The following GSR variants were observed in gnomAD, a reference collection of about 807,000 sequenced individuals.
GSR encodes the protein glutathione-disulfide reductase, also known as glutathione reductase, mitochondrial.
GSR carries 48 observed loss-of-function variants against 56.5 expected under a neutral mutation model. The ratio of observed to expected loss-of-function variants is 0.85; its 90% CI spans 0.67 to 1.08. GSR has a LOEUF of 1.08. GSR is among the 50% of genes least tolerant of loss of function. The pLI, the probability that GSR is intolerant of heterozygous loss-of-function variation, is 0.00. For missense variants in GSR, 694 were observed against 703.3 expected (o/e 0.99, Z 0.15); for synonymous variants, 264 against 270.8 (o/e 0.97, Z 0.25).
intron 3 of GSR, 121 bp from the exon 4 acceptor site, chr8:30,708,262 G>A (rs1803983393): frequency 2.2e-5 from 17 of 773,954 alleles, no homozygotes; most frequent in Non-Finnish European, 3.8e-5. Flanking sequence ...CAACCGCAGT[G>A]AGTGAATGTC....
rs570116243 is a variant in GSR at position 30,684,124 on chromosome 8, C to G, written c.1117G>C (p.Val373Leu). Residue 373 changes from valine to leucine, a missense_variant, in exon 10 of 13, where the codon GTT becomes CTT. By Grantham distance (32) the Val-to-Leu change is conservative (BLOSUM62 1). Coordinates refer to ENST00000221130, the MANE Select transcript of GSR (RefSeq NM_000637.5). ...QNTNVKGIYA[V>L]GDVCGKALLT... ...AGAGCTTTTCCACATACATCCCCAA[C>G]TGCATAGATGCCTTTGACGTTGGTA... 7 of 1,605,982 alleles carry G rather than the reference C, an allele frequency of 4.4e-6. No individual in the cohort carries two copies. The highest frequency in any genetic ancestry group is 2.2e-5 in the East Asian group (1 of 44,862).
chr8:30,680,443 G>T (rs952124333), intron 12 of GSR, among the ~76,000 whole-genome samples: 2 of 128,056 alleles, frequency 1.6e-5, no homozygotes, highest in African/African-American at 6.0e-5. Context: ...CTCCCAGGCT[G>T]GAGGGCAGTA....
chr8:30,726,577 A>G (rs1445619890), intron 1 of GSR, among the ~76,000 whole-genome samples: 1 of 152,110 alleles, frequency 6.6e-6, no homozygotes, highest in Non-Finnish European at 1.5e-5. Context: ...AGGGCAACAT[A>G]GCGAGACCCC....
intron 5 of GSR, among the ~76,000 whole-genome samples, chr8:30,701,894 C>T (rs1203222647): frequency 6.6e-6 from 1 of 151,074 alleles, no homozygotes; most frequent in East Asian, 1.9e-4. Flanking sequence ...GTTCACCATC[C>T]ACAAAGTCCT....
At chr8:30,710,684 T>C (rs1191542767) in intron 2 of GSR, among the ~76,000 whole-genome samples, 2 of 115,438 alleles carry the variant, frequency 1.7e-5, no homozygotes, top group Non-Finnish European at 3.3e-5. Flanking sequence ...ACCACTGCAT[T>C]CCGGCCTGGG....
chr8:30,713,795 C>T (rs1228138213), intron 1 of GSR, among the ~76,000 whole-genome samples: 1 of 152,244 alleles, frequency 6.6e-6, no homozygotes, highest in Non-Finnish European at 1.5e-5. Flanking sequence ...CCCAGCAATT[C>T]TACTTTTACA....
intron 1 of GSR, among the ~76,000 whole-genome samples, chr8:30,724,535 AC>A (rs1396693702): frequency 3.0e-5 from 3 of 99,728 alleles, no homozygotes; most frequent in African/African-American, 1.1e-4. Flanking sequence ...ATACTACCCA[AC>A]CCCCCACCTT....
rs550057987 is a variant in GSR at position 30,721,800 on chromosome 8, C to T, written c.306+5730G>A. 9.9e-5 allele frequency among the ~76,000 whole-genome samples: 15 copies of T among 151,834 alleles called. No individual in the cohort carries two copies. The South Asian group carries it at 2.9e-3, about 30-fold the overall frequency. ...CTTTGGAAGGCCGAGGTGGGTGGAT[C>T]GGTTGAGGTCAGGAGTTCGAGACCA... On this transcript the variant is annotated intron_variant, in intron 1 of 12. Coordinates refer to ENST00000221130, the MANE Select transcript of GSR (RefSeq NM_000637.5).
At chr8:30,725,769 C>T (rs1450632388) in intron 1 of GSR, among the ~76,000 whole-genome samples, 1 of 150,040 alleles carries the variant, frequency 6.7e-6, no homozygotes, top group East Asian at 2.0e-4. Flanking sequence ...GCATTCCCAG[C>T]TACTCGAGAG....
At chr8:30,681,835 A>C in intron 11 of GSR, 95 bp downstream of exon 11, 1 of 1,160,090 alleles carries the variant, frequency 8.6e-7, no homozygotes, top group Non-Finnish European at 1.3e-6. Context: ...TGGGGCTGAG[A>C]TAGGTTTCAT....
At chr8:30,701,052 T>A (rs1436215773) in intron 5 of GSR, among the ~76,000 whole-genome samples, 1 of 152,094 alleles carries the variant, frequency 6.6e-6, no homozygotes, top group Non-Finnish European at 1.5e-5. Context: ...CCAACCCATA[T>A]CTCTCTCAAG....
intron 6 of GSR, among the ~76,000 whole-genome samples, chr8:30,699,577 G>A (rs1427500642): frequency 1.3e-5 from 2 of 151,882 alleles, no homozygotes; most frequent in Non-Finnish European, 2.9e-5. Flanking sequence ...CCGAGTAGCT[G>A]AGACTACAGG....
intron 4 of GSR, among the ~76,000 whole-genome samples, chr8:30,705,464 G>A (rs1257688066): frequency 6.6e-6 from 1 of 152,202 alleles, no homozygotes; most frequent in African/African-American, 2.4e-5. Context: ...GGGTTTCACC[G>A]TGTTAGCCAG....
At chr8:30,685,267 C>T (rs1563527060) in intron 9 of GSR, among the ~76,000 whole-genome samples, 1 of 152,068 alleles carries the variant, frequency 6.6e-6, no homozygotes, top group Non-Finnish European at 1.5e-5. Context: ...GCCTTTTTAA[C>T]ATTTTTTTAT....
chr8:30,687,844 T>G (rs758216278), intron 9 of GSR, among the ~76,000 whole-genome samples: 1 of 152,206 alleles, frequency 6.6e-6, no homozygotes, highest in Non-Finnish European at 1.5e-5. Flanking sequence ...TTACTTTGCA[T>G]GCACTTTTTC....
rs1458506315 is a variant in GSR at position 30,709,912 on chromosome 8, A to G, written c.334-10T>C. 1.4e-6 allele frequency: 2 copies of G among 1,455,102 alleles called. No individual in the cohort carries two copies. The highest frequency in any genetic ancestry group is 1.4e-5 in the African/African-American group (1 of 71,634). 90.1% of individuals were successfully genotyped at this position (1,455,102 alleles called of 1,614,324 possible). ...CTGTGTTCCACATTACCTGTAAAAA[A>G]AAAAAAAAAAAAGGATCCAAAACAG... is the stretch of plus-strand genomic sequence containing the variant. On this transcript the variant is annotated splice_polypyrimidine_tract_variant and intron_variant, in intron 2 of 12. Coordinates refer to ENST00000221130, the MANE Select transcript of GSR (RefSeq NM_000637.5).
rs112388835 is a variant in GSR at position 30,707,616 on chromosome 8, C to A, written c.492+456G>T. Among the ~76,000 whole-genome samples the A allele has an allele frequency of 1.4e-4, 21 of 152,148 alleles. 2 individuals carry two copies. Among genetic ancestry groups the A allele is most frequent in the African/African-American group, 4.8e-4 (20 of 41,512 alleles). On this transcript the variant is annotated intron_variant, in intron 4 of 12. Coordinates refer to ENST00000221130, the MANE Select transcript of GSR (RefSeq NM_000637.5). Reference sequence around the variant, plus strand: ...TGGAGGCTACAGTGAGCTATCATTGCACCACCGTACTCCAGCCTGGCGACA... The same window carrying A: ...TGGAGGCTACAGTGAGCTATCATTGAACCACCGTACTCCAGCCTGGCGACA...
In GSR at chr8:30,697,427, AAAC is replaced by A. The variant is rs757774743; in HGVS notation, c.696-951_696-949del. Among the ~76,000 whole-genome samples, 122 of 50,502 alleles carry A rather than the reference AAAC, an allele frequency of 2.4e-3. 1 individual carries two copies. The highest frequency in any genetic ancestry group is 2.3e-3 in the Non-Finnish European group (48 of 20,906). The allele number at this position is 50,502 out of a possible 152,430, so 33.1% of individuals were successfully genotyped here. On this transcript the variant is annotated intron_variant, in intron 6 of 12. Transcript: ENST00000221130. ...AGACTCTGTCTCAAAAAAACAAAAC[AAAC>A]AAACAAACAAACAAACAAACAAAAA...
rs1802932857 is a variant in GSR at position 30,680,963 on chromosome 8, C to T, written c.1360G>A (p.Val454Ile). ...STSFTPMYHA[V>I]TKRKTKCVMK... ...ACACATTTTGTTTTCCTTTTGGTAA[C>T]TGCGTGATACATCGGGGTAAAGCTC... Residue 454 changes from valine to isoleucine, a missense_variant, in exon 12 of 13, where the codon GTT becomes ATT. By Grantham distance (29) the Val-to-Ile change is conservative (BLOSUM62 3). Coordinates refer to ENST00000221130, the MANE Select transcript of GSR (RefSeq NM_000637.5). The T allele has an allele frequency of 6.2e-7, 1 of 1,612,142 alleles. No homozygotes were observed. Among genetic ancestry groups the T allele is most frequent in the Non-Finnish European group, 8.5e-7 (1 of 1,178,392 alleles).
Sources: allele counts gnomAD v4.1 joint callset (sites outside exome capture counted in the v4.1 genomes callset), GRCh38; gene constraint gnomAD v4.1.1; transcripts MANE v1.5; gene names NCBI Gene and HGNC (gene_info 2026-07-23, HGNC 2026-07-21).